Variants in ARNT2 observed in about 807,000 individuals in gnomAD.
ARNT2 encodes the protein aryl hydrocarbon receptor nuclear translocator 2.
Under a neutral mutation model 91.7 loss-of-function variants are expected in ARNT2, and 36 were observed. That is an observed-to-expected ratio of 0.39 (90% CI 0.30 to 0.52). The LOEUF is 0.52. ARNT2 is among the 20% of genes least tolerant of loss of function. The pLI, the probability that ARNT2 is intolerant of heterozygous loss-of-function variation, is 0.72. For synonymous variants in ARNT2, 365 were observed against 347.1 expected, an observed-to-expected ratio of 1.05 and a Z score of -0.57; for missense variants, 775 against 939.3, an observed-to-expected ratio of 0.83 and a Z score of 2.29.
intron 5 of ARNT2, among the ~76,000 whole-genome samples, chr15:80,502,095 A>T (rs911118979): frequency 3.9e-5 from 6 of 152,210 alleles, no homozygotes; most frequent in Non-Finnish European, 8.8e-5. Flanking sequence ...AGGGAAGCTC[A>T]TAGCTCTGTA....
intron 2 of ARNT2, among the ~76,000 whole-genome samples, chr15:80,451,234 C>T (rs1315674504): frequency 6.6e-6 from 1 of 152,238 alleles, no homozygotes; most frequent in Non-Finnish European, 1.5e-5. Context: ...GCTTTGTGAT[C>T]CTGCTGGGCC....
At chr15:80,550,634 C>T (rs1290552234) in intron 8 of ARNT2, among the ~76,000 whole-genome samples, 2 of 152,192 alleles carry the variant, frequency 1.3e-5, no homozygotes, top group Non-Finnish European at 2.9e-5. Context: ...TAACCAGTTC[C>T]TTTCTATCTG....
rs11632124 is a variant in ARNT2, at chr15:80,572,743, T to G, written c.1317-1405T>G. On this transcript the variant is annotated intron_variant, in intron 12 of 18. Coordinates refer to ENST00000303329, the MANE Select transcript of ARNT2 (RefSeq NM_014862.4). Reference sequence around the variant, plus strand: ...AACCTTCCTAATTAATGCAGACACTTGAGAGATTGTTTTTCTTGGTGTTAA... The same window carrying G: ...AACCTTCCTAATTAATGCAGACACTGGAGAGATTGTTTTTCTTGGTGTTAA... Among the ~76,000 whole-genome samples, 403 of 152,320 alleles carry G rather than the reference T, an allele frequency of 2.6e-3. 1 individual carries two copies. The highest frequency in any genetic ancestry group is 4.2e-3 in the Non-Finnish European group (286 of 68,036).
chr15:80,422,566 G>A (rs968818585), intron 1 of ARNT2, among the ~76,000 whole-genome samples: 13 of 152,168 alleles, frequency 8.5e-5, no homozygotes, highest in African/African-American at 3.1e-4. Context: ...TGTACTTCTG[G>A]AAGATTTAAG....
intron 5 of ARNT2, among the ~76,000 whole-genome samples, chr15:80,506,571 A>G (rs1897278307): frequency 6.6e-6 from 1 of 152,170 alleles, no homozygotes; most frequent in African/African-American, 2.4e-5. Flanking sequence ...TGCTTGCTCA[A>G]ATTGGGTTCT....
chr15:80,431,975 T>C (rs1453360789), intron 1 of ARNT2, among the ~76,000 whole-genome samples: 1 of 152,182 alleles, frequency 6.6e-6, no homozygotes, highest in East Asian at 1.9e-4. Flanking sequence ...CTCCTTTTCC[T>C]CCAGGACAAG....
intron 12 of ARNT2, among the ~76,000 whole-genome samples, chr15:80,565,545 T>TTC (rs1052873045): frequency 6.6e-6 from 1 of 151,784 alleles, no homozygotes; most frequent in Non-Finnish European, 1.5e-5. Flanking sequence ...ATTGTTTTTT[T>TTC]TTTTTTACTT....
At chr15:80,430,278 C>T (rs566037706) in intron 1 of ARNT2, among the ~76,000 whole-genome samples, 107 of 152,254 alleles carry the variant, frequency 7.0e-4, no homozygotes, top group African/African-American at 2.5e-3. Flanking sequence ...GGTCTCCCCA[C>T]TTTCCAGGTC....
intron 8 of ARNT2, among the ~76,000 whole-genome samples, chr15:80,533,192 G>T (rs1897766087): frequency 6.6e-6 from 1 of 152,214 alleles, no homozygotes. Flanking sequence ...GGCGAGGATG[G>T]AATACAGTTC....
rs749984968 is a variant in ARNT2, at chr15:80,465,658, G to T, written c.195-4560G>T. Reference sequence around the variant, plus strand: ...TAGACTTGGTCATATCTCTCTCATAGTATCCTGCATCAGCCCACCTGCTGC... The same window carrying T: ...TAGACTTGGTCATATCTCTCTCATATTATCCTGCATCAGCCCACCTGCTGC... On this transcript the variant is annotated intron_variant, in intron 3 of 18. Transcript: ENST00000303329. Among the ~76,000 whole-genome samples the T allele has an allele frequency of 2.6e-5, 4 of 152,302 alleles. No individual in the cohort carries two copies. The South Asian group carries it at 6.2e-4, about 24-fold the overall frequency.
chr15:80,568,365 A>C (rs1898523942), intron 12 of ARNT2, among the ~76,000 whole-genome samples: 1 of 152,188 alleles, frequency 6.6e-6, no homozygotes, highest in Non-Finnish European at 1.5e-5. Context: ...GTGTCTGTTC[A>C]GGCCAAGTCC....
chr15:80,471,712 T>C (rs753461578), intron 4 of ARNT2, among the ~76,000 whole-genome samples: 1 of 152,186 alleles, frequency 6.6e-6, no homozygotes, highest in Non-Finnish European at 1.5e-5. Context: ...CTCTGTTTTA[T>C]TGATGAGGAA....
chr15:80,511,519 A>G (rs78809862), intron 6 of ARNT2, among the ~76,000 whole-genome samples: 2,659 of 152,100 alleles, frequency 0.017, 84 homozygotes, highest in African/African-American at 0.061. Flanking sequence ...GAACTTAAAA[A>G]CTAAAAAAAA....
chr15:80,551,846 C>A (rs1233747364), intron 9 of ARNT2, among the ~76,000 whole-genome samples: 1 of 152,172 alleles, frequency 6.6e-6, no homozygotes, highest in Non-Finnish European at 1.5e-5. Context: ...TCTCTCCTCC[C>A]TATTCTCATA....
intron 3 of ARNT2, among the ~76,000 whole-genome samples, chr15:80,466,917 CT>C (rs764467100): frequency 9.2e-5 from 14 of 152,208 alleles, no homozygotes; most frequent in Non-Finnish European, 1.9e-4. Flanking sequence ...TCACAGAGCA[CT>C]GTGGTGAAAT....
At chr15:80,423,326 T>C (rs775239353) in intron 1 of ARNT2, among the ~76,000 whole-genome samples, 9 of 152,190 alleles carry the variant, frequency 5.9e-5, no homozygotes, top group Non-Finnish European at 8.8e-5. Flanking sequence ...TGATGCTCAA[T>C]GGATCTGTGC....
intron 1 of ARNT2, among the ~76,000 whole-genome samples, chr15:80,446,896 G>A (rs754845154): frequency 4.6e-5 from 7 of 152,094 alleles, no homozygotes; most frequent in Non-Finnish European, 1.0e-4. Flanking sequence ...GTTCTCACCA[G>A]TTATATATAC....
At chr15:80,506,533 G>T (rs1466916258) in intron 5 of ARNT2, among the ~76,000 whole-genome samples, 1 of 152,194 alleles carries the variant, frequency 6.6e-6, no homozygotes, top group Non-Finnish European at 1.5e-5. Flanking sequence ...TACCGAGGGT[G>T]GGGGATTCTC....
At position 80,407,544 on chromosome 15, in the gene ARNT2, C is replaced by T. The variant is rs192575891; in HGVS notation, c.31+2998C>T. 7.9e-5 allele frequency among the ~76,000 whole-genome samples: 12 copies of T among 152,342 alleles called. No homozygotes were observed. In the East Asian group the frequency reaches 2.1e-3, roughly 27 times the overall value. On this transcript the variant is annotated intron_variant, in intron 1 of 18. Transcript: ENST00000303329. Reference sequence around the variant, plus strand: ...CTATGACAGTCCTGGTTATATTCCTCATATCCTGTGGCCCCTGGTGCCTCC... The same window carrying T: ...CTATGACAGTCCTGGTTATATTCCTTATATCCTGTGGCCCCTGGTGCCTCC...
Sources: gnomAD v4.1 joint callset for allele counts (sites outside exome capture counted in the v4.1 genomes callset) on GRCh38, gnomAD v4.1.1 for gene constraint, MANE v1.5 for transcripts, NCBI Gene and HGNC (gene_info 2026-07-23, HGNC 2026-07-21) for gene names.